ERBB4: variants seen among roughly 807,000 people sequenced by gnomAD.
The protein encoded by ERBB4 is erb-b2 receptor tyrosine kinase 4, also known as receptor tyrosine-protein kinase erbB-4.
In ERBB4, 42 loss-of-function variants were observed where a neutral mutation model predicts 158.0. That is an observed-to-expected ratio of 0.27 (90% CI 0.21 to 0.34). The LOEUF is 0.34. ERBB4 is among the 10% of genes least tolerant of loss of function. The pLI, the probability that ERBB4 is intolerant of heterozygous loss-of-function variation, is 1.00. For missense variants in ERBB4, 1,333 were observed against 1,624.1 expected, an observed-to-expected ratio of 0.82 and a Z score of 3.08; for synonymous variants, 583 against 558.7, an observed-to-expected ratio of 1.04 and a Z score of -0.61.
At position 211,775,170 on chromosome 2, in the gene ERBB4, G is replaced by A. The variant is rs77059727; in HGVS notation, c.556+12855C>T. Reference sequence around the variant, plus strand: ...GAACTAAGGTTCTATCTTGGACAATGAGCTATCACCAGGCTCAGTAGGGTT... The same window carrying A: ...GAACTAAGGTTCTATCTTGGACAATAAGCTATCACCAGGCTCAGTAGGGTT... On this transcript the variant is annotated intron_variant, in intron 4 of 27. Transcript: ENST00000342788. 2.8e-3 allele frequency among the ~76,000 whole-genome samples: 421 copies of A among 152,286 alleles called. 3 individuals are homozygous for A. The highest frequency in any genetic ancestry group is 9.9e-3 in the African/African-American group (413 of 41,562).
chr2:211,907,415 CT>C (rs1006579963), intron 3 of ERBB4, among the ~76,000 whole-genome samples: 168 of 142,282 alleles, frequency 1.2e-3, no homozygotes, highest in South Asian at 1.3e-3. Flanking sequence ...TGGCTTTTGC[CT>C]TTTTTTTTTT....
intron 4 of ERBB4, among the ~76,000 whole-genome samples, chr2:211,772,924 C>CACACACACACACACACAT (rs1181682464): frequency 1.1e-4 from 4 of 36,738 alleles, no homozygotes; most frequent in African/African-American, 5.9e-4. Context: ...CACACACACA[C>CACACACACACACACACAT]ATATATATAT....
intron 2 of ERBB4, among the ~76,000 whole-genome samples, chr2:212,109,486 G>A (rs1335696138): frequency 6.6e-6 from 1 of 152,132 alleles, no homozygotes; most frequent in East Asian, 1.9e-4. Flanking sequence ...ACTTCTTTCA[G>A]CTATTACTTT....
chr2:211,401,170 T>C (rs1445382587), intron 25 of ERBB4, among the ~76,000 whole-genome samples: 1 of 152,042 alleles, frequency 6.6e-6, no homozygotes, highest in Non-Finnish European at 1.5e-5. Context: ...CCCTCACCAC[T>C]TAGCCACAGA....
At chr2:212,522,554 A>C (rs1027952384) in intron 1 of ERBB4, among the ~76,000 whole-genome samples, 7 of 151,976 alleles carry the variant, frequency 4.6e-5, no homozygotes, top group African/African-American at 1.7e-4. Flanking sequence ...AGCTTAGAAT[A>C]ATCTACGCAG....
intron 2 of ERBB4, among the ~76,000 whole-genome samples, chr2:212,100,301 GGTGAA>G (rs2125514967): frequency 6.6e-6 from 1 of 152,268 alleles, no homozygotes; most frequent in Admixed American, 6.5e-5. Flanking sequence ...AGAGAGGACA[GGTGAA>G]ACAGAAGTAA....
chr2:211,505,731 C>A (rs922420245), intron 20 of ERBB4, among the ~76,000 whole-genome samples: 2 of 152,054 alleles, frequency 1.3e-5, no homozygotes, highest in African/African-American at 4.8e-5. Context: ...GAGGCAGAGG[C>A]GGGTGGATCA....
chr2:212,160,977 C>T (rs1020448469), intron 1 of ERBB4, among the ~76,000 whole-genome samples: 1 of 151,724 alleles, frequency 6.6e-6, no homozygotes, highest in Admixed American at 6.6e-5. Context: ...CAAATGATAA[C>T]AAAGTAGAGT....
intron 1 of ERBB4, among the ~76,000 whole-genome samples, chr2:212,213,241 A>T (rs768070687): frequency 1.8e-4 from 27 of 152,056 alleles, no homozygotes; most frequent in Non-Finnish European, 3.2e-4. Flanking sequence ...CCCCATCAGA[A>T]AGTGGGAAAG....
Position 211,378,206 on chromosome 2 carries a change from G to T in ERBB4, c.*5409C>A, listed in dbSNP as rs911917117. ...ACATTTTTCTTTGATTCCTAACAAG[G>T]TAATCACTTACTTGCAAAGCTGACT... On this transcript the variant is annotated 3_prime_UTR_variant, in exon 28 of 28. Coordinates refer to ENST00000342788, the MANE Select transcript of ERBB4 (RefSeq NM_005235.3). 4.3e-6 allele frequency: 1 copy of T among 232,934 alleles called. No individual in the cohort carries two copies. The highest frequency in any genetic ancestry group is 8.5e-6 in the Non-Finnish European group (1 of 117,662). The allele number at this position is 232,934 out of a possible 1,614,324, so 14.4% of individuals were successfully genotyped here.
At chr2:211,805,592 A>G (rs1481408540) in intron 3 of ERBB4, among the ~76,000 whole-genome samples, 1 of 152,230 alleles carries the variant, frequency 6.6e-6, no homozygotes, top group Non-Finnish European at 1.5e-5. Context: ...CTTGCCAGAA[A>G]ACAGCACTGT....
At chr2:212,120,279 C>T (rs2079707653) in intron 2 of ERBB4, among the ~76,000 whole-genome samples, 1 of 152,106 alleles carries the variant, frequency 6.6e-6, no homozygotes, top group Non-Finnish European at 1.5e-5. Flanking sequence ...AATAGAGAAA[C>T]TGAATGCTAT....
intron 3 of ERBB4, among the ~76,000 whole-genome samples, chr2:211,844,416 T>A (rs1445492358): frequency 6.6e-6 from 1 of 152,150 alleles, no homozygotes; most frequent in African/African-American, 2.4e-5. Flanking sequence ...AAACTAATTT[T>A]CAGAATGATA....
At chr2:211,992,576 A>AAAC (rs2082104610) in intron 2 of ERBB4, among the ~76,000 whole-genome samples, 1 of 151,888 alleles carries the variant, frequency 6.6e-6, no homozygotes, top group Non-Finnish European at 1.5e-5. Flanking sequence ...AGAAAAAAAA[A>AAAC]AAAAACATGA....
At chr2:212,190,620 A>G (rs2082161831) in intron 1 of ERBB4, among the ~76,000 whole-genome samples, 1 of 152,056 alleles carries the variant, frequency 6.6e-6, no homozygotes, top group South Asian at 2.1e-4. Context: ...AATTATTCAC[A>G]CCACCATCGG....
At chr2:212,017,677 T>A (rs963637043) in intron 2 of ERBB4, among the ~76,000 whole-genome samples, 3 of 152,162 alleles carry the variant, frequency 2.0e-5, no homozygotes, top group Admixed American at 2.0e-4. Context: ...AGACTCTTAA[T>A]ACCTGGAAGT....
chr2:211,769,778 GA>G (rs1350617634), intron 4 of ERBB4, among the ~76,000 whole-genome samples: 1 of 152,178 alleles, frequency 6.6e-6, no homozygotes, highest in Non-Finnish European at 1.5e-5. Flanking sequence ...CAGTGTGGGT[GA>G]AAGATGAAGG....
chr2:211,523,391 C>T (rs781636134), intron 20 of ERBB4, among the ~76,000 whole-genome samples: 3 of 151,146 alleles, frequency 2.0e-5, no homozygotes, highest in East Asian at 2.0e-4. Flanking sequence ...TGCCCTGTCA[C>T]AGTGTGTCCA....
rs2062491358 is a variant in ERBB4, at chr2:211,377,239, A to G, written c.*6376T>C. 1.3e-5 allele frequency: 3 copies of G among 233,012 alleles called. No homozygotes were observed. Among genetic ancestry groups the G allele is most frequent in the African/African-American group, 2.2e-5 (1 of 45,318 alleles). 14.4% of individuals were successfully genotyped at this position (233,012 alleles called of 1,614,324 possible). On this transcript the variant is annotated 3_prime_UTR_variant, in exon 28 of 28. Coordinates refer to ENST00000342788, the MANE Select transcript of ERBB4 (RefSeq NM_005235.3). ...ACATTTGAAAACCAGATTCGTGTCA[A>G]TATACAGGAGGTATGATTTGCTTTC...
Sources: allele counts gnomAD v4.1 joint callset (sites outside exome capture counted in the v4.1 genomes callset), GRCh38; gene constraint gnomAD v4.1.1; transcripts MANE v1.5; gene names NCBI Gene and HGNC (gene_info 2026-07-23, HGNC 2026-07-21).